TMED5: variants seen among roughly 807,000 people sequenced by gnomAD.
TMED5 encodes the protein transmembrane p24 trafficking protein 5, also known as transmembrane emp24 domain-containing protein 5.
A neutral mutation model predicts 23.0 loss-of-function variants in TMED5; 27 were observed. The observed-to-expected ratio is 1.17, with a 90% CI of 0.86 to 1.62. The LOEUF (loss-of-function observed/expected upper bound fraction) is 1.62, where lower values mean the gene tolerates loss of function less well. Ranked by LOEUF, TMED5 falls within the 40% of genes most tolerant of loss-of-function variation. The pLI is 0.00. For missense variants in TMED5, 248 were observed against 273.7 expected (o/e 0.91, Z 0.66); for synonymous variants, 97 against 100.8 (o/e 0.96, Z 0.23).
chr1:93,180,183 C>T lies in TMED5; in HGVS notation c.60G>A (p.Val20=), dbSNP rs1257542001. ...PVLLLAALPP[V]LLPGAAGFTP... is the part of the protein sequence containing the mutation. ...TGAAGCCGGCCGCCCCAGGCAGCAGCACCGGAGGCAGAGCGGCCAGAAGGA... is the reference window on the plus strand; with the variant it reads ...TGAAGCCGGCCGCCCCAGGCAGCAGTACCGGAGGCAGAGCGGCCAGAAGGA... Residue 20 remains valine, a synonymous_variant, in exon 1 of 4, where the codon GTG becomes GTA. Transcript: ENST00000370282. 1 of 1,613,542 alleles carries T rather than the reference C, an allele frequency of 6.2e-7. No homozygotes were observed. Among genetic ancestry groups the T allele is most frequent in the Non-Finnish European group, 8.5e-7 (1 of 1,179,778 alleles).
At chr1:93,168,618 G>A (rs867530822) in intron 1 of TMED5, among the ~76,000 whole-genome samples, 6 of 152,040 alleles carry the variant, frequency 3.9e-5, no homozygotes, top group South Asian at 2.1e-4. Flanking sequence ...GGCGGATCAC[G>A]AGGTCAGGAG....
chr1:93,179,902 C>G, intron 1 of TMED5, 152 bp downstream of exon 1: 1 of 788,912 alleles, frequency 1.3e-6, no homozygotes, highest in African/African-American at 1.8e-5. Flanking sequence ...CTCGCCTCGC[C>G]TCGCGCGCCT....
chr1:93,161,479 T>A (rs1332849754), intron 1 of TMED5: 2 of 152,232 alleles, frequency 1.3e-5, no homozygotes, highest in Non-Finnish European at 2.9e-5. Flanking sequence ...TAAGAGCCAG[T>A]TTAACCCATT....
At chr1:93,169,449 A>G (rs939374714) in intron 1 of TMED5, among the ~76,000 whole-genome samples, 1 of 152,186 alleles carries the variant, frequency 6.6e-6, no homozygotes, top group African/African-American at 2.4e-5. Flanking sequence ...GGATGAACTT[A>G]TTAGAAAAGA....
intron 1 of TMED5, 89 bp downstream of exon 1, chr1:93,179,965 C>G (rs142651786): frequency 1.1e-4 from 155 of 1,380,102 alleles, no homozygotes; most frequent in Middle Eastern, 4.3e-4. Context: ...CCACCAGGGC[C>G]GTCCACCAGA....
intron 3 of TMED5, chr1:93,156,095 A>C: frequency 7.0e-7 from 1 of 1,424,120 alleles, no homozygotes; most frequent in East Asian, 2.5e-5. Context: ...CTGGAAGATA[A>C]GTTATTTGAA....
chr1:93,173,737 G>A (rs1025444799), intron 1 of TMED5, among the ~76,000 whole-genome samples: 2 of 152,182 alleles, frequency 1.3e-5, no homozygotes, highest in Non-Finnish European at 2.9e-5. Context: ...CAGACTTCCA[G>A]TTATATGAAC....
At chr1:93,157,498 G>T (rs1271655950) in intron 2 of TMED5, among the ~76,000 whole-genome samples, 1 of 152,140 alleles carries the variant, frequency 6.6e-6, no homozygotes, top group African/African-American at 2.4e-5. Flanking sequence ...GGGAGTCTGA[G>T]GCAGGATTAC....
intron 1 of TMED5, among the ~76,000 whole-genome samples, chr1:93,173,273 A>C (rs544252148): frequency 2.7e-5 from 4 of 146,532 alleles, no homozygotes; most frequent in African/African-American, 1.0e-4. Context: ...CATGTTGTAT[A>C]TATGTATCAA....
At chr1:93,171,284 C>T (rs1389487902) in intron 1 of TMED5, among the ~76,000 whole-genome samples, 1 of 152,148 alleles carries the variant, frequency 6.6e-6, no homozygotes, top group Non-Finnish European at 1.5e-5. Context: ...GGAAGAAACT[C>T]CGAACACATC....
intron 1 of TMED5, among the ~76,000 whole-genome samples, chr1:93,170,521 G>A (rs1381195031): frequency 6.6e-6 from 1 of 152,198 alleles, no homozygotes; most frequent in African/African-American, 2.4e-5. Context: ...CCCCCACTGT[G>A]GGCTCCTGCG....
At chr1:93,174,321 T>C (rs921655428) in intron 1 of TMED5, among the ~76,000 whole-genome samples, 1 of 152,120 alleles carries the variant, frequency 6.6e-6, no homozygotes, top group Non-Finnish European at 1.5e-5. Flanking sequence ...GGAGGTTGTA[T>C]ATTACTTTTA....
At chr1:93,166,003 G>A (rs757844753) in intron 1 of TMED5, among the ~76,000 whole-genome samples, 1 of 152,088 alleles carries the variant, frequency 6.6e-6, no homozygotes, top group African/African-American at 2.4e-5. Context: ...ACAAATAAGT[G>A]AGAACGTGAT....
Position 93,151,320 on chromosome 1 carries a change from T to C in TMED5, c.*3350A>G, listed in dbSNP as rs1212594246. 6.6e-6 allele frequency: 1 copy of C among 152,166 alleles called. No individual in the cohort carries two copies. The highest frequency in any genetic ancestry group is 1.5e-5 in the Non-Finnish European group (1 of 68,016). 9.4% of individuals were successfully genotyped at this position (152,166 alleles called of 1,614,324 possible). ...TGGTTTGAGGGAAATGACCAAATAA[T>C]AACCTACCTACACCAAGCATTGTAC... On this transcript the variant is annotated 3_prime_UTR_variant, in exon 4 of 4. Coordinates refer to ENST00000370282, the MANE Select transcript of TMED5 (RefSeq NM_016040.5).
chr1:93,174,593 T>C (rs967109675), intron 1 of TMED5, among the ~76,000 whole-genome samples: 2 of 152,202 alleles, frequency 1.3e-5, no homozygotes, highest in East Asian at 1.9e-4. Flanking sequence ...CACCCAGATA[T>C]AAAGCCCAGT....
intron 1 of TMED5, among the ~76,000 whole-genome samples, chr1:93,164,421 G>A (rs1031616119): frequency 2.0e-5 from 3 of 152,010 alleles, no homozygotes; most frequent in African/African-American, 7.3e-5. Flanking sequence ...CATAAAGCTA[G>A]GATCTTTGAA....
At chr1:93,161,580 A>G (rs1051386066) in intron 1 of TMED5, 12 of 152,210 alleles carry the variant, frequency 7.9e-5, no homozygotes, top group Non-Finnish European at 1.8e-4. Flanking sequence ...TCATTTTGCA[A>G]TTCAAAAAAT....
intron 3 of TMED5, among the ~76,000 whole-genome samples, chr1:93,155,192 C>T (rs1648021551): frequency 6.6e-6 from 1 of 152,138 alleles, no homozygotes; most frequent in South Asian, 2.1e-4. Flanking sequence ...TGCCACTGCA[C>T]TCCAGCCTGG....
intron 1 of TMED5, chr1:93,160,520 C>T (rs549977194): frequency 1.4e-5 from 3 of 213,870 alleles, no homozygotes; most frequent in African/African-American, 4.5e-5. Context: ...GTAGAATGGA[C>T]GGAAACACAA....
Sources: allele counts gnomAD v4.1 joint callset (sites outside exome capture counted in the v4.1 genomes callset), GRCh38; gene constraint gnomAD v4.1.1; transcripts MANE v1.5; gene names NCBI Gene and HGNC (gene_info 2026-07-23, HGNC 2026-07-21).